The following KCNT2 variants were observed in gnomAD, a reference collection of about 807,000 sequenced individuals.
KCNT2 encodes potassium sodium-activated channel subfamily T member 2, also known as potassium channel subfamily T member 2.
Under a neutral mutation model 153.8 loss-of-function variants are expected in KCNT2, and 67 were observed. That is an observed-to-expected ratio of 0.44 (90% confidence interval 0.36 to 0.53). The LOEUF (loss-of-function observed/expected upper bound fraction) is 0.53. Ranked by LOEUF, KCNT2 falls within the 20% of genes least tolerant of loss-of-function variation. KCNT2 has a pLI of 0.00. For missense variants in KCNT2, 975 were observed against 1,354.8 expected (o/e 0.72, Z 4.40); for synonymous variants, 500 against 458.8 (o/e 1.09, Z -1.15).
intron 21 of KCNT2, among the ~76,000 whole-genome samples, chr1:196,308,399 T>A (rs959507622): frequency 6.6e-6 from 1 of 152,022 alleles, no homozygotes; most frequent in African/African-American, 2.4e-5. Flanking sequence ...TGAGGAGAGA[T>A]AAGCCCTCTA....
intron 1 of KCNT2, among the ~76,000 whole-genome samples, chr1:196,568,124 G>A (rs1189514015): frequency 6.6e-6 from 1 of 152,016 alleles, no homozygotes. Context: ...TTATGTCAAC[G>A]GTCCCCAACC....
At position 196,226,480 on chromosome 1, in the gene KCNT2, G is replaced by C. The variant is rs1325371896; in HGVS notation, c.*1744C>G. The C allele has an allele frequency of 6.6e-6, 1 of 151,822 alleles. No individual in the cohort carries two copies. Among genetic ancestry groups the C allele is most frequent in the Non-Finnish European group, 1.5e-5 (1 of 67,844 alleles). 9.4% of individuals were successfully genotyped at this position (151,822 alleles called of 1,614,324 possible). On this transcript the variant is annotated 3_prime_UTR_variant, in exon 28 of 28. Coordinates refer to ENST00000294725, the MANE Select transcript of KCNT2 (RefSeq NM_198503.5). ...GTTTTAAGGCATGCTCCCAATTTTAGCTAACCTGTTATAAATTCTACTTCT... is the reference window on the plus strand; with the variant it reads ...GTTTTAAGGCATGCTCCCAATTTTACCTAACCTGTTATAAATTCTACTTCT...
At chr1:196,527,765 C>T (rs1654429154) in intron 1 of KCNT2, among the ~76,000 whole-genome samples, 2 of 152,278 alleles carry the variant, frequency 1.3e-5, no homozygotes, top group South Asian at 4.1e-4. Flanking sequence ...GTGAAGCAAA[C>T]TTGCTGGTGC....
intron 1 of KCNT2, among the ~76,000 whole-genome samples, chr1:196,502,931 G>C (rs2148770089): frequency 6.6e-6 from 1 of 152,158 alleles, no homozygotes; most frequent in Middle Eastern, 3.4e-3. Context: ...AAATTGCAAA[G>C]AGATTCCCCC....
chr1:196,431,863 C>T (rs1359295731), intron 8 of KCNT2, among the ~76,000 whole-genome samples: 2 of 151,968 alleles, frequency 1.3e-5, no homozygotes, highest in Non-Finnish European at 1.5e-5. Flanking sequence ...ACAGTTTGTC[C>T]AAGCAACTAT....
At chr1:196,351,778 G>A (rs987029405) in intron 14 of KCNT2, among the ~76,000 whole-genome samples, 24 of 152,098 alleles carry the variant, frequency 1.6e-4, no homozygotes, top group Non-Finnish European at 3.1e-4. Context: ...TCCCTGTCTT[G>A]TACCAGTTTT....
At chr1:196,531,525 A>G (rs1654938271) in intron 1 of KCNT2, among the ~76,000 whole-genome samples, 1 of 152,120 alleles carries the variant, frequency 6.6e-6, no homozygotes, top group African/African-American at 2.4e-5. Context: ...TGTATAGGAA[A>G]TACTTAATAT....
At chr1:196,426,256 T>C (rs1673646800) in intron 10 of KCNT2, among the ~76,000 whole-genome samples, 1 of 151,954 alleles carries the variant, frequency 6.6e-6, no homozygotes, top group African/African-American at 2.4e-5. Context: ...AGGTAATCAG[T>C]GGTTATACCT....
chr1:196,342,442 ATATATG>A (rs1255552668), intron 14 of KCNT2, among the ~76,000 whole-genome samples: 7 of 143,260 alleles, frequency 4.9e-5, no homozygotes, highest in South Asian at 2.2e-4. Context: ...ATATATATAT[ATATATG>A]TATATATATA....
At chr1:196,438,641 A>T (rs974522899) in intron 8 of KCNT2, among the ~76,000 whole-genome samples, 2 of 151,934 alleles carry the variant, frequency 1.3e-5, no homozygotes, top group South Asian at 4.1e-4. Flanking sequence ...CAGGGAAAAA[A>T]GATTAAGCAC....
At chr1:196,311,590 C>A (rs1051249589) in intron 21 of KCNT2, among the ~76,000 whole-genome samples, 2 of 151,812 alleles carry the variant, frequency 1.3e-5, no homozygotes, top group African/African-American at 4.8e-5. Flanking sequence ...TCAACTAGGT[C>A]ACGCCTGGAC....
chr1:196,580,514 C>T (rs1461413850), intron 1 of KCNT2, among the ~76,000 whole-genome samples: 1 of 152,060 alleles, frequency 6.6e-6, no homozygotes, highest in Non-Finnish European at 1.5e-5. Context: ...CAATAGGTAA[C>T]TAGAAAACTT....
chr1:196,500,043 C>G (rs1234950053), intron 1 of KCNT2, among the ~76,000 whole-genome samples: 1 of 151,714 alleles, frequency 6.6e-6, no homozygotes, highest in Non-Finnish European at 1.5e-5. Flanking sequence ...ACTTGGGAGA[C>G]AGAGGCAGAA....
chr1:196,350,099 T>C (rs1373097120), intron 14 of KCNT2, among the ~76,000 whole-genome samples: 1 of 152,204 alleles, frequency 6.6e-6, no homozygotes, highest in Admixed American at 6.5e-5. Context: ...CTTAATCCAG[T>C]CTATCATTAT....
intron 23 of KCNT2, among the ~76,000 whole-genome samples, chr1:196,284,185 C>T (rs1174513598): frequency 2.3e-5 from 3 of 132,928 alleles, no homozygotes; most frequent in South Asian, 2.5e-4. Context: ...GAGCCGAGAT[C>T]GCACCACCGC....
intron 21 of KCNT2, among the ~76,000 whole-genome samples, chr1:196,313,072 T>C (rs1464097104): frequency 1.3e-5 from 2 of 151,560 alleles, no homozygotes; most frequent in East Asian, 3.9e-4. Flanking sequence ...TAATCAGTAA[T>C]TATCCATTGA....
intron 13 of KCNT2, among the ~76,000 whole-genome samples, chr1:196,392,620 C>T (rs1035454355): frequency 1.3e-5 from 2 of 151,218 alleles, no homozygotes; most frequent in African/African-American, 4.8e-5. Context: ...ATTTATATTG[C>T]TTGGAAATAT....
intron 3 of KCNT2, among the ~76,000 whole-genome samples, chr1:196,483,484 T>G (rs1572604420): frequency 1.3e-5 from 2 of 152,176 alleles, no homozygotes; most frequent in Non-Finnish European, 2.9e-5. Flanking sequence ...CCCTATTCCC[T>G]ATTGTGTATT....
chr1:196,317,958 A>G (rs769166075), intron 20 of KCNT2, among the ~76,000 whole-genome samples: 3 of 151,686 alleles, frequency 2.0e-5, no homozygotes, highest in Non-Finnish European at 4.4e-5. Context: ...TTTCTGCTTT[A>G]AGATTATATT....
Sources: gnomAD v4.1 joint callset for allele counts (sites outside exome capture counted in the v4.1 genomes callset) on GRCh38, gnomAD v4.1.1 for gene constraint, MANE v1.5 for transcripts, NCBI Gene and HGNC (gene_info 2026-07-23, HGNC 2026-07-21) for gene names.